RBFOX3: variants seen among roughly 807,000 people sequenced by gnomAD.
RBFOX3 encodes the protein RNA binding protein fox-1 homolog 3.
In RBFOX3, 17 loss-of-function variants were observed where a neutral mutation model predicts 48.7. The ratio of observed to expected loss-of-function variants is 0.35; its 90% CI spans 0.24 to 0.52. The LOEUF (loss-of-function observed/expected upper bound fraction) is 0.52. Ranked by LOEUF, RBFOX3 falls within the 20% of genes least tolerant of loss-of-function variation. The pLI, the probability that RBFOX3 is intolerant of heterozygous loss-of-function variation, is 0.94. For missense variants in RBFOX3, 382 were observed against 497.5 expected, an observed-to-expected ratio of 0.77 and a Z score of 2.21; for synonymous variants, 212 against 209.5, an observed-to-expected ratio of 1.01 and a Z score of -0.10.
At chr17:79,587,797 C>T (rs1036261529) in intron 1 of RBFOX3, among the ~76,000 whole-genome samples, 2 of 152,160 alleles carry the variant, frequency 1.3e-5, no homozygotes, top group Admixed American at 6.5e-5. Flanking sequence ...AAGGAGCCCA[C>T]GGGGAAGCAG....
chr17:79,402,141 G>A (rs12451318), intron 2 of RBFOX3, among the ~76,000 whole-genome samples: 8,094 of 152,322 alleles, frequency 0.053, 285 homozygotes, highest in Admixed American at 0.081. Context: ...CACCACTCAA[G>A]GAGAAAAGGG....
chr17:79,158,966 T>C (rs1325039097), intron 4 of RBFOX3, among the ~76,000 whole-genome samples: 1 of 152,178 alleles, frequency 6.6e-6, no homozygotes, highest in African/African-American at 2.4e-5. Flanking sequence ...CCGACACTGC[T>C]TGAGCACCTG....
At chr17:79,277,022 G>A (rs1218962962) in intron 3 of RBFOX3, among the ~76,000 whole-genome samples, 19 of 152,268 alleles carry the variant, frequency 1.2e-4, no homozygotes, top group South Asian at 2.1e-4. Flanking sequence ...CGTCAGCCTC[G>A]GCCTTCTCCA....
chr17:79,620,141 G>A, the RBFOX3 span, among the ~76,000 whole-genome samples: 15,917 of 136,410 alleles, frequency 0.12, 1,171 homozygotes, highest in African/African-American at 0.25. Context: ...ATGCACACGC[G>A]CACACACATG....
chr17:79,117,694 G>C (rs2034475196), intron 4 of RBFOX3, among the ~76,000 whole-genome samples: 1 of 152,128 alleles, frequency 6.6e-6, no homozygotes, highest in South Asian at 2.1e-4. Flanking sequence ...CCTGTCCTCT[G>C]CATCCTTCAT....
At chr17:79,179,020 A>G (rs1168868778) in intron 4 of RBFOX3, among the ~76,000 whole-genome samples, 1 of 152,180 alleles carries the variant, frequency 6.6e-6, no homozygotes, top group Non-Finnish European at 1.5e-5. Context: ...CCCGCGAGCC[A>G]GCGTGTCTCA....
intron 4 of RBFOX3, among the ~76,000 whole-genome samples, chr17:79,135,380 T>C (rs2039952800): frequency 6.6e-6 from 1 of 152,150 alleles, no homozygotes; most frequent in Non-Finnish European, 1.5e-5. Flanking sequence ...CCCCAGCCAT[T>C]AGCCTCTCCT....
chr17:79,459,268 G>A (rs1348371103), intron 2 of RBFOX3, among the ~76,000 whole-genome samples: 1 of 152,204 alleles, frequency 6.6e-6, no homozygotes, highest in Admixed American at 6.5e-5. Flanking sequence ...TGGAGGCAGA[G>A]AGAGCTGCTG....
At chr17:79,519,834 A>C (rs2149976019) in intron 1 of RBFOX3, among the ~76,000 whole-genome samples, 1 of 152,190 alleles carries the variant, frequency 6.6e-6, no homozygotes, top group East Asian at 1.9e-4. Flanking sequence ...GGCAACACCC[A>C]TATGTGCTGT....
rs868988794 is a variant in RBFOX3, at chr17:79,477,282, C to T, written c.-175+5172G>A. ...TAAAAAAAAAAAAAAAAAAAGAGGG[C>T]GCGGTGGCTCACACCTGTAATCCCA... On this transcript the variant is annotated intron_variant, in intron 2 of 14. Coordinates refer to ENST00000693108, the MANE Select transcript of RBFOX3 (RefSeq NM_001350451.2). This position sits in a 1 kb window ranked among gnomAD's most constrained non-coding sequence, Gnocchi z 4.8. 1.6e-3 allele frequency among the ~76,000 whole-genome samples: 216 copies of T among 133,030 alleles called. No homozygotes were observed. The highest frequency in any genetic ancestry group is 4.4e-3 in the East Asian group (21 of 4,740). 87.3% of individuals were successfully genotyped at this position (133,030 alleles called of 152,430 possible).
intron 4 of RBFOX3, chr17:79,235,234 T>C (rs9904630): frequency 0.26 from 40,152 of 151,938 alleles, 5,550 homozygotes; most frequent in Middle Eastern, 0.35. Flanking sequence ...GCTCAGGCAG[T>C]AGTAGCCAGT....
intron 1 of RBFOX3, among the ~76,000 whole-genome samples, chr17:79,567,180 C>CTTTTTTTTT (rs1159762873): frequency 4.3e-5 from 4 of 92,076 alleles, no homozygotes; most frequent in Admixed American, 1.5e-4. Flanking sequence ...TTCTTTCTTT[C>CTTTTTTTTT]TTTTTTTTTT....
chr17:79,485,136 C>A (rs2079371011), intron 1 of RBFOX3, among the ~76,000 whole-genome samples: 1 of 152,126 alleles, frequency 6.6e-6, no homozygotes, highest in Non-Finnish European at 1.5e-5. Context: ...GAGAGGAGAG[C>A]CTGGGGAGAG....
intron 5 of RBFOX3, among the ~76,000 whole-genome samples, chr17:79,108,253 A>G (rs1312047193): frequency 6.6e-6 from 1 of 152,204 alleles, no homozygotes; most frequent in Non-Finnish European, 1.5e-5. Flanking sequence ...GCCGTAGAGG[A>G]GACTGGGGTC....
chr17:79,488,855 C>T (rs1007920282), intron 1 of RBFOX3, among the ~76,000 whole-genome samples: 6 of 152,182 alleles, frequency 3.9e-5, no homozygotes, highest in African/African-American at 7.2e-5. Flanking sequence ...CCTCTGAAGG[C>T]CACCAGAGCC....
At chr17:79,555,461 T>C (rs1382771936) in intron 1 of RBFOX3, among the ~76,000 whole-genome samples, 2 of 140,536 alleles carry the variant, frequency 1.4e-5, no homozygotes, top group Admixed American at 6.7e-5. Context: ...GTAGTGATGA[T>C]GATGATGACA....
At chr17:79,344,540 ATTATTTATTTAT>A (rs35977736) in intron 2 of RBFOX3, among the ~76,000 whole-genome samples, 36 of 147,436 alleles carry the variant, frequency 2.4e-4, no homozygotes, top group South Asian at 2.2e-4. Context: ...ACTTTGTTTG[ATTATTTATTTAT>A]TTATTTATTT....
chr17:79,463,189 TGCCACC>T (rs1568294425), intron 2 of RBFOX3, among the ~76,000 whole-genome samples: 1 of 51,476 alleles, frequency 1.9e-5, no homozygotes, highest in Non-Finnish European at 4.7e-5. Flanking sequence ...CCATCGCCAC[TGCCACC>T]GCCATCGCCA....
chr17:79,489,934 A>G (rs2080253794), intron 1 of RBFOX3, among the ~76,000 whole-genome samples: 1 of 152,232 alleles, frequency 6.6e-6, no homozygotes, highest in Non-Finnish European at 1.5e-5. Context: ...TAGGACTCAA[A>G]CTAAGAAAGC....
Sources: allele counts gnomAD v4.1 joint callset (sites outside exome capture counted in the v4.1 genomes callset), GRCh38; gene constraint gnomAD v4.1.1; non-coding constraint Gnocchi (gnomAD v3.1); transcripts MANE v1.5; gene names NCBI Gene and HGNC (gene_info 2026-07-23, HGNC 2026-07-21).